The following RORA variants were observed in gnomAD, a reference collection of about 807,000 sequenced individuals.
The protein encoded by RORA is RAR related orphan receptor A.
In RORA, 7 loss-of-function variants were observed where a neutral mutation model predicts 69.5. That is an observed-to-expected ratio of 0.10 (90% CI 0.06 to 0.19). RORA has a LOEUF of 0.19. Ranked by LOEUF, RORA falls within the 10% of genes least tolerant of loss-of-function variation. The pLI is 1.00. For synonymous variants in RORA, 261 were observed against 240.8 expected (o/e 1.08, Z -0.78); for missense variants, 457 against 663.0 (o/e 0.69, Z 3.41).
chr15:60,701,116 C>T (rs1287161742), intron 1 of RORA, among the ~76,000 whole-genome samples: 1 of 152,346 alleles, frequency 6.6e-6, no homozygotes, highest in African/African-American at 2.4e-5. Context: ...CCACCACGTA[C>T]ATTCATCCCT....
At position 61,217,350 on chromosome 15, in the gene RORA, G is replaced by A. The variant is rs180681120; in HGVS notation, c.166+11703C>T. 8.5e-5 allele frequency among the ~76,000 whole-genome samples: 13 copies of A among 152,302 alleles called. No homozygotes were observed. The East Asian group carries it at 2.5e-3, about 29-fold the overall frequency. On this transcript the variant is annotated intron_variant, in intron 1 of 10. Transcript: ENST00000335670. The stretch of plus-strand genomic sequence containing the variant: ...ATGAGCAAGGCCCATATGACTGACT[G>A]CTGTAACAAACAGGAGTCTGGGAGC...
chr15:60,533,547 A>G, intron 2 of RORA, among the ~76,000 whole-genome samples: 1 of 152,236 alleles, frequency 6.6e-6, no homozygotes, highest in East Asian at 1.9e-4. Flanking sequence ...TATGTTTAAT[A>G]TAGTCAAGGC....
rs1208800302 is a variant in RORA, at chr15:60,497,092, T to C, written c.*363A>G. 1 of 177,852 alleles carries C rather than the reference T, an allele frequency of 5.6e-6. No individual in the cohort carries two copies. The highest frequency in any genetic ancestry group is 1.2e-5 in the Non-Finnish European group (1 of 84,484). 11.0% of individuals were successfully genotyped at this position (177,852 alleles called of 1,614,324 possible). A position where few individuals can be genotyped will look rare whatever the true frequency, so the allele number is the denominator to read the frequency against. On this transcript the variant is annotated 3_prime_UTR_variant, in exon 11 of 11. Transcript: ENST00000335670. ...AGTCACCGATTATTGCTGGACTCTC[T>C]GTTGTTACTGACAGATTGGTGACTC...
intron 1 of RORA, among the ~76,000 whole-genome samples, chr15:60,818,814 T>G (rs1029274729): frequency 6.6e-6 from 1 of 152,218 alleles, no homozygotes; most frequent in Non-Finnish European, 1.5e-5. Flanking sequence ...TACATGTTTC[T>G]GAGCCCTGTG....
At chr15:60,862,635 TG>T (rs1271983707) in intron 1 of RORA, among the ~76,000 whole-genome samples, 2 of 152,314 alleles carry the variant, frequency 1.3e-5, no homozygotes, top group African/African-American at 4.8e-5. Context: ...AGGTGTATTT[TG>T]GGTAAAAAAG....
At chr15:60,623,605 C>T (rs998872157) in intron 2 of RORA, among the ~76,000 whole-genome samples, 2 of 152,106 alleles carry the variant, frequency 1.3e-5, no homozygotes, top group African/African-American at 4.8e-5. Flanking sequence ...TGGATATAAG[C>T]ACAAGTGGCC....
At chr15:60,634,658 G>A (rs1040907481) in intron 2 of RORA, among the ~76,000 whole-genome samples, 5 of 152,024 alleles carry the variant, frequency 3.3e-5, no homozygotes, top group African/African-American at 1.2e-4. Context: ...CTGCCTTGGC[G>A]TTCCAAAGTG....
intron 2 of RORA, among the ~76,000 whole-genome samples, chr15:60,632,963 A>G (rs1294733801): frequency 6.6e-6 from 1 of 152,262 alleles, no homozygotes; most frequent in African/African-American, 2.4e-5. Context: ...GGTGTTTAAA[A>G]AAACCCCACA....
intron 1 of RORA, among the ~76,000 whole-genome samples, chr15:60,896,125 A>G (rs945371954): frequency 5.9e-5 from 9 of 152,144 alleles, no homozygotes; most frequent in African/African-American, 2.2e-4. Flanking sequence ...TCATTAAGTG[A>G]GTGTTCAGAG....
At chr15:60,798,513 G>T (rs2072530154) in intron 1 of RORA, among the ~76,000 whole-genome samples, 1 of 151,928 alleles carries the variant, frequency 6.6e-6, no homozygotes, top group South Asian at 2.1e-4. Flanking sequence ...TGGAAGAGGA[G>T]ACAGGGAGCA....
chr15:60,832,937 C>T (rs2073064024), intron 1 of RORA, among the ~76,000 whole-genome samples: 2 of 152,052 alleles, frequency 1.3e-5, no homozygotes, highest in South Asian at 4.1e-4. Context: ...CGGAGTCTCA[C>T]TGTGTCGCCC....
At chr15:60,543,873 T>C (rs2066985822) in intron 2 of RORA, among the ~76,000 whole-genome samples, 1 of 152,008 alleles carries the variant, frequency 6.6e-6, no homozygotes, top group Admixed American at 6.5e-5. Flanking sequence ...CGACATGGAG[T>C]TTAGCAGCTT....
intron 1 of RORA, among the ~76,000 whole-genome samples, chr15:60,945,699 A>C (rs1192945825): frequency 2.6e-5 from 4 of 152,212 alleles, no homozygotes; most frequent in African/African-American, 9.6e-5. Context: ...GGTTCACTCA[A>C]GGGGCACTTT....
chr15:60,869,704 C>T (rs117336300), intron 1 of RORA, among the ~76,000 whole-genome samples: 1,794 of 152,282 alleles, frequency 0.012, 22 homozygotes, highest in Non-Finnish European at 0.019. Context: ...CTTCTAGGAT[C>T]GAAAAATGCA....
intron 1 of RORA, among the ~76,000 whole-genome samples, chr15:60,807,127 T>C (rs2072670291): frequency 6.6e-6 from 1 of 152,182 alleles, no homozygotes; most frequent in Non-Finnish European, 1.5e-5. Context: ...AAACTGTTGC[T>C]GTTTGCTGAT....
At chr15:60,927,348 C>A (rs1892247669) in intron 1 of RORA, among the ~76,000 whole-genome samples, 1 of 152,188 alleles carries the variant, frequency 6.6e-6, no homozygotes, top group Non-Finnish European at 1.5e-5. Context: ...CTTCCCAGGA[C>A]CCAGCCATAT....
At chr15:60,650,935 G>A (rs1277145302) in intron 2 of RORA, among the ~76,000 whole-genome samples, 1 of 152,128 alleles carries the variant, frequency 6.6e-6, no homozygotes, top group Non-Finnish European at 1.5e-5. Context: ...CAAGCCCAAA[G>A]TTATACAATA....
At chr15:60,949,672 T>A (rs2140332549) in intron 1 of RORA, among the ~76,000 whole-genome samples, 1 of 152,288 alleles carries the variant, frequency 6.6e-6, no homozygotes, top group Middle Eastern at 3.4e-3. Flanking sequence ...CTTGCTGCAT[T>A]TGCCACAGAT....
intron 1 of RORA, among the ~76,000 whole-genome samples, chr15:60,719,660 T>C (rs2071267677): frequency 6.6e-6 from 1 of 152,212 alleles, no homozygotes; most frequent in Non-Finnish European, 1.5e-5. Flanking sequence ...ATCATGGCAC[T>C]GCAAAAAGCT....
Sources: allele counts gnomAD v4.1 joint callset (sites outside exome capture counted in the v4.1 genomes callset), GRCh38; gene constraint gnomAD v4.1.1; transcripts MANE v1.5; gene names NCBI Gene and HGNC (gene_info 2026-07-23, HGNC 2026-07-21).